The following ABHD4 variants were observed in gnomAD, a reference collection of about 807,000 sequenced individuals.
The protein encoded by ABHD4 is (Lyso)-N-acylphosphatidylethanolamine lipase.
A neutral mutation model predicts 42.3 loss-of-function variants in ABHD4; 35 were observed. The ratio of observed to expected loss-of-function variants is 0.83; its 90% CI spans 0.63 to 1.10. The LOEUF is 1.10. ABHD4 is among the 50% of genes least tolerant of loss of function. The probability of loss-of-function intolerance (pLI) is 0.00; values close to 1 mark genes in which losing one functional copy is unlikely to be tolerated. For missense variants in ABHD4, 389 were observed against 454.8 expected, an observed-to-expected ratio of 0.86 and a Z score of 1.32; for synonymous variants, 169 against 170.6, an observed-to-expected ratio of 0.99 and a Z score of 0.07.
chr14:22,604,179 C>T, intron 4 of ABHD4, 100 bp downstream of exon 4: 1 of 1,367,182 alleles, frequency 7.3e-7, no homozygotes, highest in Non-Finnish European at 1.0e-6. Context: ...ATTGGCCTAG[C>T]CTTGTTATTT....
In ABHD4 at chr14:22,603,669, G is replaced by T; in HGVS notation, c.392G>T (p.Trp131Leu). Residue 131 changes from tryptophan to leucine, a missense_variant, in exon 3 of 7, where the codon TGG (tryptophan) becomes TTG (leucine). Around this residue, in one of 3 missense-constraint regions of ABHD4, gnomAD observed 38 missense variants for 72.1 expected, o/e 0.53. Transcript: ENST00000428304. ...GAGTTTGTGACATCGATAGAGACAT[G>T]GCGGGAGACCATGGGGATCCCCAGC... ...EDEFVTSIET[W>L]RETMGIPSMI... 1 of 1,613,746 alleles carries T rather than the reference G, an allele frequency of 6.2e-7. No homozygotes were observed. The highest frequency in any genetic ancestry group is 8.5e-7 in the Non-Finnish European group (1 of 1,179,780).
rs2037393561 is a variant in ABHD4 at position 22,610,008 on chromosome 14, A to G, written c.939+98A>G. 4 of 1,172,682 alleles carry G rather than the reference A, an allele frequency of 3.4e-6. No individual in the cohort carries two copies. The Admixed American group carries it at 6.7e-5, about 20-fold the overall frequency. 72.6% of individuals were successfully genotyped at this position (1,172,682 alleles called of 1,614,324 possible). A position where few individuals can be genotyped will look rare whatever the true frequency, so the allele number is the denominator to read the frequency against. ...GGTGATCAAGGAGAAAGAGGAATGG[A>G]CAGACTGAGATAGAGCAGTAGATTT... On this transcript the variant is annotated intron_variant, in intron 6 of 6. Coordinates refer to ENST00000428304, the MANE Select transcript of ABHD4 (RefSeq NM_022060.3).
chr14:22,602,056 C>T (rs2037291781), intron 2 of ABHD4, among the ~76,000 whole-genome samples: 1 of 152,086 alleles, frequency 6.6e-6, no homozygotes, highest in African/African-American at 2.4e-5. Flanking sequence ...TCCCCTTCCT[C>T]CTTCCTTCTC....
intron 5 of ABHD4, 107 bp from the exon 6 acceptor site, chr14:22,609,617 G>T: frequency 8.0e-7 from 1 of 1,252,356 alleles, no homozygotes; most frequent in Non-Finnish European, 1.1e-6. Context: ...CCAGTGTGGG[G>T]CTTTGACAGG....
rs530144960 is a variant in ABHD4 at position 22,604,173 on chromosome 14, G to T, written c.640+94G>T. On this transcript the variant is annotated intron_variant, in intron 4 of 6. Coordinates refer to ENST00000428304, the MANE Select transcript of ABHD4 (RefSeq NM_022060.3). ...ACTTATTCCTAAAAAGTGGAAATTG[G>T]CCTAGCCTTGTTATTTAAAGCTGTT... 1.4e-3 allele frequency: 1,968 copies of T among 1,405,718 alleles called. 8 individuals carry two copies. Among genetic ancestry groups the T allele is most frequent in the South Asian group, 2.3e-3 (186 of 79,500 alleles). 87.1% of individuals were successfully genotyped at this position (1,405,718 alleles called of 1,614,324 possible). A position where few individuals can be genotyped will look rare whatever the true frequency, so the allele number is the denominator to read the frequency against.
chr14:22,603,279 A>C, intron 2 of ABHD4, 111 bp from the exon 3 acceptor site: 1 of 1,359,774 alleles, frequency 7.4e-7, no homozygotes, highest in Non-Finnish European at 1.0e-6. Flanking sequence ...AGCTGAGGGA[A>C]GTTGGGGAGG....
rs1463859110 is a variant in ABHD4, at chr14:22,609,806, A to G, written c.835A>G (p.Lys279Glu). 2 of 1,614,054 alleles carry G rather than the reference A, an allele frequency of 1.2e-6. No individual in the cohort carries two copies. The highest frequency in any genetic ancestry group is 1.7e-6 in the Non-Finnish European group (2 of 1,180,036). Residue 279 changes from lysine (K) to glutamate (E), a missense_variant, in exon 6 of 7, where the codon AAA becomes GAA. Physicochemically the swap from Lys to Glu is moderately conservative, Grantham distance 56 (BLOSUM62 1). Coordinates refer to ENST00000428304, the MANE Select transcript of ABHD4 (RefSeq NM_022060.3). The part of the protein sequence containing the change: ...PMLERIHLIR[K>E]DVPITMIYGS... ...GCTGGAGCGAATTCACTTGATTCGAAAAGATGTGCCTATCACTATGATCTA... is the reference window on the plus strand; with the variant it reads ...GCTGGAGCGAATTCACTTGATTCGAGAAGATGTGCCTATCACTATGATCTA...
chr14:22,600,795 A>C (rs947118313), intron 1 of ABHD4, among the ~76,000 whole-genome samples: 2 of 151,462 alleles, frequency 1.3e-5, no homozygotes, highest in South Asian at 2.1e-4. Context: ...CATTCTGCTC[A>C]TCAATGATAA....
In ABHD4 at chr14:22,612,206, G is replaced by T. The variant is rs558354131; in HGVS notation, c.*1258G>T. 44 of 152,798 alleles carry T rather than the reference G, an allele frequency of 2.9e-4. No individual in the cohort carries two copies. The highest frequency in any genetic ancestry group is 1.1e-3 in the African/African-American group (44 of 41,556). 9.5% of individuals were successfully genotyped at this position (152,798 alleles called of 1,614,324 possible). A position where few individuals can be genotyped will look rare whatever the true frequency, so the allele number is the denominator to read the frequency against. On this transcript the variant is annotated 3_prime_UTR_variant, in exon 7 of 7. Coordinates refer to ENST00000428304, the MANE Select transcript of ABHD4 (RefSeq NM_022060.3). ...TCAGGGGTTCTGGGCAGTAGGCTGG[G>T]CCTGGCCTCAGAACCTGGTGGCTCC...
intron 5 of ABHD4, among the ~76,000 whole-genome samples, chr14:22,608,867 A>G (rs2037378213): frequency 6.6e-6 from 1 of 151,680 alleles, no homozygotes. Flanking sequence ...ATGCCTGGCT[A>G]ATTTTGTATT....
chr14:22,600,176 C>T (rs1376486674), intron 1 of ABHD4: 3 of 455,726 alleles, frequency 6.6e-6, no homozygotes, highest in Admixed American at 2.4e-5. Flanking sequence ...AAATAATGTG[C>T]CCACAGTCAC....
intron 2 of ABHD4, among the ~76,000 whole-genome samples, chr14:22,602,709 G>T (rs1307331907): frequency 6.6e-6 from 1 of 152,188 alleles, no homozygotes; most frequent in Non-Finnish European, 1.5e-5. Flanking sequence ...CTGTTTCAAG[G>T]GATAAGACGG....
chr14:22,606,372 C>A, intron 4 of ABHD4, 50 bp from the exon 5 acceptor site: 1 of 1,311,812 alleles, frequency 7.6e-7, no homozygotes, highest in African/African-American at 1.4e-5. Context: ...GGAGTCTTCC[C>A]TGCCCCACCT....
At chr14:22,610,703 A>G (rs1365883471) in intron 6 of ABHD4, among the ~76,000 whole-genome samples, 156 bp from the exon 7 acceptor site, 1 of 152,228 alleles carries the variant, frequency 6.6e-6, no homozygotes, top group Non-Finnish European at 1.5e-5. Flanking sequence ...TGTCAAAGGA[A>G]AATACCAAGA....
At position 22,603,742 on chromosome 14, in the gene ABHD4, C is replaced by T. The variant is rs2037314299; in HGVS notation, c.465C>T (p.Tyr155=). The T allele has an allele frequency of 3.2e-6, 5 of 1,585,864 alleles. No individual in the cohort carries two copies. The highest frequency in any genetic ancestry group is 1.7e-5 in the Admixed American group (1 of 58,148). Reference sequence around the variant, plus strand: ...TGGGAGGATTCCTGGCCACTTCTTACTCAATCAAGTACCCTGATAGGTAAT... The same window carrying T: ...TGGGAGGATTCCTGGCCACTTCTTATTCAATCAAGTACCCTGATAGGTAAT... The part of the protein sequence containing the change: ...HSLGGFLATS[Y]SIKYPDRVKH... The change falls in exon 3 of 7, where the codon TAC becomes TAT. Residue 155 remains tyrosine, a synonymous_variant. Coordinates refer to ENST00000428304, the MANE Select transcript of ABHD4 (RefSeq NM_022060.3).
chr14:22,605,720 C>A, intron 4 of ABHD4: 1 of 812,512 alleles, frequency 1.2e-6, no homozygotes, highest in Non-Finnish European at 1.8e-6. Flanking sequence ...AGGGCCAGGC[C>A]CATGCAGATC....
At chr14:22,598,821 G>A in intron 1 of ABHD4, 2 of 209,958 alleles carry the variant, frequency 9.5e-6, no homozygotes, top group Non-Finnish European at 1.9e-5. Context: ...GGAACAACGG[G>A]CTTGCAAGTT....
At position 22,610,977 on chromosome 14, in the gene ABHD4, GC is replaced by G; in HGVS notation, c.*31del. ...GCTCTCTGAAGAGGAAGAGGAGAAA[GC>G]CAGAGAGTCACTCTTACCTCCCTGT... is the stretch of plus-strand genomic sequence containing the variant. On this transcript the variant is annotated 3_prime_UTR_variant, in exon 7 of 7. Transcript: ENST00000428304. 6.3e-7 allele frequency: 1 copy of G among 1,599,422 alleles called. No individual in the cohort carries two copies. Among genetic ancestry groups the G allele is most frequent in the Non-Finnish European group, 8.6e-7 (1 of 1,167,132 alleles).
chr14:22,609,593 A>G, intron 5 of ABHD4, 131 bp from the exon 6 acceptor site: 1 of 1,019,794 alleles, frequency 9.8e-7, no homozygotes, highest in Non-Finnish European at 1.4e-6. Flanking sequence ...TAATCTTACC[A>G]ATATTTAATG....
Sources: allele counts gnomAD v4.1 joint callset (sites outside exome capture counted in the v4.1 genomes callset), GRCh38; gene constraint gnomAD v4.1.1; regional missense constraint gnomAD v4.1.1; transcripts MANE v1.5; gene names NCBI Gene and HGNC (gene_info 2026-07-23, HGNC 2026-07-21).